Variants in GRID2 observed in about 807,000 individuals in gnomAD.
The protein encoded by GRID2 is glutamate receptor ionotropic, delta-2.
Under a neutral mutation model 114.8 loss-of-function variants are expected in GRID2, and 33 were observed. The observed-to-expected ratio is 0.29, with a 90% CI of 0.22 to 0.38. GRID2 has a LOEUF of 0.38. GRID2 is among the 10% of genes least tolerant of loss of function. The pLI, the probability that GRID2 is intolerant of heterozygous loss-of-function variation, is 1.00. For missense variants in GRID2, 1,184 were observed against 1,257.7 expected (o/e 0.94, Z 0.89); for synonymous variants, 505 against 449.9 (o/e 1.12, Z -1.55).
chr4:92,579,690 C>G (rs916864013), intron 1 of GRID2, among the ~76,000 whole-genome samples: 2 of 151,662 alleles, frequency 1.3e-5, no homozygotes, highest in Admixed American at 6.6e-5. Flanking sequence ...AGAGAGATAA[C>G]CTACAAAAAT....
intron 8 of GRID2, among the ~76,000 whole-genome samples, chr4:93,374,907 G>C (rs1763232900): frequency 6.6e-6 from 1 of 152,042 alleles, no homozygotes; most frequent in Non-Finnish European, 1.5e-5. Flanking sequence ...AAAGTCAATC[G>C]ACCTGTCTCT....
chr4:92,788,949 A>G (rs1021330178), intron 2 of GRID2, among the ~76,000 whole-genome samples: 1 of 151,824 alleles, frequency 6.6e-6, no homozygotes, highest in Non-Finnish European at 1.5e-5. Flanking sequence ...TCTTCTTCCT[A>G]TAACACATTC....
At chr4:92,716,649 A>C (rs1182661726) in intron 2 of GRID2, among the ~76,000 whole-genome samples, 1 of 152,182 alleles carries the variant, frequency 6.6e-6, no homozygotes, top group East Asian at 1.9e-4. Flanking sequence ...TTCCCACAGC[A>C]CTGGGACCCT....
intron 8 of GRID2, among the ~76,000 whole-genome samples, chr4:93,371,741 CTTTTTT>C (rs1205096650): frequency 1.2e-4 from 11 of 89,802 alleles, no homozygotes; most frequent in South Asian, 1.2e-3. Context: ...ATCACTATTT[CTTTTTT>C]TTTTTTTTTT....
At chr4:92,425,071 A>C (rs1716645015) in intron 1 of GRID2, among the ~76,000 whole-genome samples, 8 of 152,014 alleles carry the variant, frequency 5.3e-5, no homozygotes. Flanking sequence ...TTATTATAAT[A>C]ATTATAAGAT....
At position 93,533,533 on chromosome 4, in the gene GRID2, C is replaced by A. The variant is rs1344539921; in HGVS notation, c.2193+18122C>A. ...GGACTACAGGAGCATGCCACCACAC[C>A]CAGCTTTTTTTTTTTTTTTTTTTTT... On this transcript the variant is annotated intron_variant, in intron 13 of 15. Coordinates refer to ENST00000282020, the MANE Select transcript of GRID2 (RefSeq NM_001510.4). 2.1e-5 allele frequency among the ~76,000 whole-genome samples: 3 copies of A among 144,642 alleles called. No homozygotes were observed. In the South Asian group the frequency reaches 6.7e-4, roughly 32 times the overall value. 94.9% of individuals were successfully genotyped at this position (144,642 alleles called of 152,430 possible). A position where few individuals can be genotyped will look rare whatever the true frequency, so the allele number is the denominator to read the frequency against.
intron 2 of GRID2, among the ~76,000 whole-genome samples, chr4:92,607,502 C>T (rs1560486053): frequency 6.6e-6 from 1 of 151,830 alleles, no homozygotes; most frequent in Non-Finnish European, 1.5e-5. Context: ...TACTGGTGAA[C>T]ATTTTTCATA....
chr4:92,829,783 G>A (rs1352048901), intron 2 of GRID2, among the ~76,000 whole-genome samples: 1 of 152,036 alleles, frequency 6.6e-6, no homozygotes, highest in Non-Finnish European at 1.5e-5. Flanking sequence ...TCCTTTGCAG[G>A]GACATGGATG....
intron 1 of GRID2, among the ~76,000 whole-genome samples, chr4:92,548,910 A>G (rs1726428127): frequency 6.6e-6 from 1 of 152,050 alleles, no homozygotes; most frequent in Non-Finnish European, 1.5e-5. Context: ...CAGATTTCAT[A>G]AGAACTCTAT....
At chr4:93,050,887 G>A (rs946762165) in intron 2 of GRID2, among the ~76,000 whole-genome samples, 1 of 151,976 alleles carries the variant, frequency 6.6e-6, no homozygotes, top group Non-Finnish European at 1.5e-5. Flanking sequence ...TCCAACAGGC[G>A]TTGCAGCATT....
At chr4:93,465,153 C>T (rs1427702161) in intron 11 of GRID2, among the ~76,000 whole-genome samples, 2 of 152,152 alleles carry the variant, frequency 1.3e-5, no homozygotes, top group African/African-American at 4.8e-5. Flanking sequence ...AAACACAAGA[C>T]ACCACGAACA....
intron 2 of GRID2, among the ~76,000 whole-genome samples, chr4:92,889,310 A>C (rs937155125): frequency 6.6e-6 from 1 of 152,182 alleles, no homozygotes; most frequent in Non-Finnish European, 1.5e-5. Flanking sequence ...TCAAATAGGA[A>C]GAGAGGAAGT....
chr4:92,404,020 T>G (rs1730917857), intron 1 of GRID2, among the ~76,000 whole-genome samples: 1 of 152,116 alleles, frequency 6.6e-6, no homozygotes, highest in African/African-American at 2.4e-5. Context: ...AAAACATTTA[T>G]GAAATAATCA....
In GRID2 at chr4:93,107,510, G is replaced by T. The variant is rs539386914; in HGVS notation, c.530-3238G>T. Among the ~76,000 whole-genome samples the T allele has an allele frequency of 1.6e-4, 25 of 151,974 alleles. No individual in the cohort carries two copies. In the South Asian group the frequency reaches 5.2e-3, roughly 32 times the overall value. ...AAACGTTATATAGTTTCAAATTAAG[G>T]ATAATTAATTTACTAGATCAATTTA... On this transcript the variant is annotated intron_variant, in intron 3 of 15. Transcript: ENST00000282020.
chr4:93,802,565 A>T (rs1402308245), intron 1 of GRID2, among the ~76,000 whole-genome samples: 1 of 152,234 alleles, frequency 6.6e-6, no homozygotes, highest in Non-Finnish European at 1.5e-5. Flanking sequence ...GTTTTTGTGT[A>T]ACTCCTCTAT....
chr4:92,852,168 G>A (rs192577899), intron 2 of GRID2, among the ~76,000 whole-genome samples: 34 of 152,012 alleles, frequency 2.2e-4, no homozygotes, highest in Admixed American at 6.6e-4. Context: ...GTGGAGGGGG[G>A]TGTATTTGTG....
chr4:92,442,635 T>C (rs904774770), intron 1 of GRID2, among the ~76,000 whole-genome samples: 127 of 152,142 alleles, frequency 8.3e-4, no homozygotes, highest in Non-Finnish European at 1.2e-3. Context: ...GTTGGAGTTT[T>C]ATTTAATGTT....
At chr4:93,205,918 G>T (rs1294476201) in intron 4 of GRID2, among the ~76,000 whole-genome samples, 1 of 152,044 alleles carries the variant, frequency 6.6e-6, no homozygotes, top group African/African-American at 2.4e-5. Context: ...GTGATGATGA[G>T]CATTTGTTCA....
intron 11 of GRID2, among the ~76,000 whole-genome samples, chr4:93,477,659 G>A (rs72668763): frequency 0.014 from 2,200 of 152,190 alleles, 19 homozygotes; most frequent in South Asian, 0.06. Flanking sequence ...GCTAATTAAT[G>A]TTCTGGAAAA....
Sources: allele counts gnomAD v4.1 joint callset (sites outside exome capture counted in the v4.1 genomes callset), GRCh38; gene constraint gnomAD v4.1.1; transcripts MANE v1.5; gene names NCBI Gene and HGNC (gene_info 2026-07-23, HGNC 2026-07-21).